Variants in TBC1D32 observed in about 807,000 individuals in gnomAD.
The protein encoded by TBC1D32 is TBC1 domain family member 32, also known as protein broad-minded.
TBC1D32 carries 151 observed loss-of-function variants against 170.3 expected under a neutral mutation model. The ratio of observed to expected loss-of-function variants is 0.89; its 90% CI spans 0.78 to 1.01. The LOEUF is 1.01. Ranked by LOEUF, TBC1D32 falls within the 50% of genes least tolerant of loss-of-function variation. TBC1D32 has a pLI of 0.00. For missense variants in TBC1D32, 1,464 were observed against 1,457.1 expected, an observed-to-expected ratio of 1.00 and a Z score of -0.08; for synonymous variants, 498 against 488.0, an observed-to-expected ratio of 1.02 and a Z score of -0.27.
intron 30 of TBC1D32, among the ~76,000 whole-genome samples, chr6:121,093,438 A>T (rs1422950044): frequency 1.3e-5 from 2 of 152,162 alleles, no homozygotes; most frequent in East Asian, 3.8e-4. Context: ...CAATCAACTT[A>T]AGGCCATACT....
At chr6:121,158,899 G>A (rs79924380) in intron 24 of TBC1D32, among the ~76,000 whole-genome samples, 3,763 of 152,158 alleles carry the variant, frequency 0.025, 167 homozygotes, top group East Asian at 0.13. Flanking sequence ...ATAAGATAAT[G>A]TCTAAACACC....
At chr6:121,282,850 G>C (rs1466292688) in intron 13 of TBC1D32, among the ~76,000 whole-genome samples, 1 of 151,804 alleles carries the variant, frequency 6.6e-6, no homozygotes, top group Non-Finnish European at 1.5e-5. Context: ...ATAGTCAGAA[G>C]ACCTAAGCTA....
At chr6:121,116,077 A>G (rs565968879) in intron 26 of TBC1D32, among the ~76,000 whole-genome samples, 2 of 152,242 alleles carry the variant, frequency 1.3e-5, no homozygotes, top group African/African-American at 4.8e-5. Flanking sequence ...AAACACATGA[A>G]CACACAGTGC....
At chr6:121,124,527 A>C (rs1344282675) in intron 26 of TBC1D32, among the ~76,000 whole-genome samples, 3 of 151,970 alleles carry the variant, frequency 2.0e-5, no homozygotes, top group African/African-American at 7.2e-5. Flanking sequence ...AGTGGAATCT[A>C]ATTGTTGACC....
chr6:121,138,112 C>A (rs1242936647), intron 24 of TBC1D32, among the ~76,000 whole-genome samples: 1 of 151,998 alleles, frequency 6.6e-6, no homozygotes, highest in Admixed American at 6.6e-5. Context: ...TTGGAGTGGT[C>A]CCTGAGAAGC....
chr6:121,099,351 T>G (rs898077024), intron 30 of TBC1D32, among the ~76,000 whole-genome samples: 1 of 151,988 alleles, frequency 6.6e-6, no homozygotes, highest in Non-Finnish European at 1.5e-5. Flanking sequence ...GTTGCTCATT[T>G]AAAAATAATA....
chr6:121,115,770 T>C (rs1779625426), intron 26 of TBC1D32: 1 of 152,188 alleles, frequency 6.6e-6, no homozygotes. Context: ...GAAGAAAGGG[T>C]TAGTTATATT....
rs780474451 is a variant in TBC1D32, at chr6:121,319,869, G to A, written c.317+1764C>T. Among the ~76,000 whole-genome samples, 3 of 151,882 alleles carry A rather than the reference G, an allele frequency of 2.0e-5. No individual in the cohort carries two copies. In the South Asian group the frequency reaches 6.2e-4, roughly 31 times the overall value. ...GCCATTGCAGTTTTGAAAAGACTAA[G>A]AAAAAACAGATATAAAATAGAATAT... On this transcript the variant is annotated intron_variant, in intron 2 of 31. Coordinates refer to ENST00000398212, the MANE Select transcript of TBC1D32 (RefSeq NM_152730.6).
chr6:121,200,146 T>C (rs1791349100), intron 22 of TBC1D32, among the ~76,000 whole-genome samples: 1 of 151,416 alleles, frequency 6.6e-6, no homozygotes, highest in South Asian at 2.1e-4. Context: ...CATTATAGTT[T>C]CAAATGAGCA....
intron 24 of TBC1D32, among the ~76,000 whole-genome samples, chr6:121,140,467 AG>A (rs1782649553): frequency 6.6e-6 from 1 of 152,010 alleles, no homozygotes; most frequent in East Asian, 1.9e-4. Context: ...CTGACTGTAA[AG>A]ATTTTAATAT....
chr6:121,249,494 G>A (rs981042285), intron 17 of TBC1D32, among the ~76,000 whole-genome samples: 2 of 151,616 alleles, frequency 1.3e-5, no homozygotes, highest in Non-Finnish European at 2.9e-5. Context: ...AGAAATAAAG[G>A]GCATCCAAAC....
intron 20 of TBC1D32, among the ~76,000 whole-genome samples, chr6:121,232,643 G>C (rs1439375164): frequency 6.6e-6 from 1 of 152,010 alleles, no homozygotes; most frequent in African/African-American, 2.4e-5. Context: ...CATGTCTTTG[G>C]TTAGGTATGT....
At chr6:121,291,420 G>C (rs1804847373) in intron 12 of TBC1D32, among the ~76,000 whole-genome samples, 1 of 151,764 alleles carries the variant, frequency 6.6e-6, no homozygotes, top group Non-Finnish European at 1.5e-5. Flanking sequence ...TTTACTATGT[G>C]GTGCTTTACA....
At chr6:121,211,495 T>A (rs1793049791) in intron 21 of TBC1D32, among the ~76,000 whole-genome samples, 1 of 152,114 alleles carries the variant, frequency 6.6e-6, no homozygotes, top group Admixed American at 6.5e-5. Flanking sequence ...GTCCCCCAAG[T>A]CCACTGTATC....
intron 22 of TBC1D32, among the ~76,000 whole-genome samples, chr6:121,194,079 A>G (rs9375008): frequency 0.68 from 103,467 of 152,014 alleles, 40,592 homozygotes; most frequent in Non-Finnish European, 0.87. Context: ...CTGAGCTGAC[A>G]TTGATTCCAG....
At chr6:121,152,229 G>C (rs1478488712) in intron 24 of TBC1D32, among the ~76,000 whole-genome samples, 3 of 152,256 alleles carry the variant, frequency 2.0e-5, no homozygotes, top group East Asian at 3.9e-4. Flanking sequence ...TTGTTTGTCT[G>C]TAAAGGATTT....
chr6:121,213,201 G>C (rs1793307633), intron 21 of TBC1D32, among the ~76,000 whole-genome samples: 1 of 152,030 alleles, frequency 6.6e-6, no homozygotes, highest in South Asian at 2.1e-4. Flanking sequence ...CTTGGCCACA[G>C]CAATCAGGTA....
At chr6:121,125,079 A>C (rs934231201) in intron 26 of TBC1D32, among the ~76,000 whole-genome samples, 1 of 152,110 alleles carries the variant, frequency 6.6e-6, no homozygotes, top group Non-Finnish European at 1.5e-5. Context: ...AATGTTCTTA[A>C]TACTTGTGGA....
At chr6:121,162,993 C>G (rs1785973359) in intron 22 of TBC1D32, 1 of 71,070 alleles carries the variant, frequency 1.4e-5, no homozygotes, top group Non-Finnish European at 3.1e-5. Context: ...TCACTCCCAC[C>G]CGAATATTGC....
Sources: gnomAD v4.1 joint callset for allele counts (sites outside exome capture counted in the v4.1 genomes callset) on GRCh38, gnomAD v4.1.1 for gene constraint, MANE v1.5 for transcripts, NCBI Gene and HGNC (gene_info 2026-07-23, HGNC 2026-07-21) for gene names.